PHACTR1: variants seen among roughly 807,000 people sequenced by gnomAD.
PHACTR1 encodes the protein RPEL repeat containing 1.
In PHACTR1, 16 loss-of-function variants were observed where a neutral mutation model predicts 69.2. The observed-to-expected ratio is 0.23, with a 90% CI of 0.16 to 0.35. The LOEUF is 0.35. PHACTR1 is among the 10% of genes least tolerant of loss of function. PHACTR1 has a pLI of 1.00. For missense variants in PHACTR1, 510 were observed against 734.7 expected, an observed-to-expected ratio of 0.69 and a Z score of 3.54; for synonymous variants, 312 against 284.5, an observed-to-expected ratio of 1.10 and a Z score of -0.97.
intron 7 of PHACTR1, among the ~76,000 whole-genome samples, chr6:13,199,410 A>C (rs986820303): frequency 1.6e-5 from 2 of 122,134 alleles, no homozygotes; most frequent in Admixed American, 8.4e-5. Context: ...AAAAAAAAAA[A>C]AACATTGGCA....
At chr6:13,031,690 T>G (rs1802480378) in intron 4 of PHACTR1, among the ~76,000 whole-genome samples, 1 of 152,238 alleles carries the variant, frequency 6.6e-6, no homozygotes, top group Non-Finnish European at 1.5e-5. Context: ...ATTGGCTATA[T>G]TCCCTGAAAC....
At chr6:13,242,917 G>T (rs1361142930) in intron 10 of PHACTR1, among the ~76,000 whole-genome samples, 3 of 152,212 alleles carry the variant, frequency 2.0e-5, no homozygotes, top group Non-Finnish European at 4.4e-5. Flanking sequence ...TATTTAAAAG[G>T]TAGCTAGATA....
At chr6:13,200,779 A>AT (rs375722005) in intron 7 of PHACTR1, among the ~76,000 whole-genome samples, 55 of 137,758 alleles carry the variant, frequency 4.0e-4, no homozygotes, top group African/African-American at 1.2e-3. Context: ...ACTAAAAATG[A>AT]AAAAAAAAAA....
intron 7 of PHACTR1, among the ~76,000 whole-genome samples, chr6:13,194,685 G>A (rs1764125216): frequency 1.3e-5 from 2 of 152,204 alleles, no homozygotes; most frequent in African/African-American, 4.8e-5. Context: ...TGATAAGTAT[G>A]TAAGGTGATG....
intron 4 of PHACTR1, among the ~76,000 whole-genome samples, chr6:13,004,765 A>G (rs750684525): frequency 5.9e-5 from 9 of 152,110 alleles, no homozygotes; most frequent in Non-Finnish European, 1.3e-4. Context: ...TGGAGAGTGG[A>G]TATGTCTGGC....
intron 6 of PHACTR1, among the ~76,000 whole-genome samples, chr6:13,161,044 A>G (rs1160444523): frequency 1.3e-5 from 2 of 152,164 alleles, no homozygotes; most frequent in African/African-American, 4.8e-5. Flanking sequence ...CAGTGATGCA[A>G]TCACGGCTCA....
intron 10 of PHACTR1, among the ~76,000 whole-genome samples, chr6:13,261,558 A>G (rs1354951404): frequency 6.6e-6 from 1 of 152,204 alleles, no homozygotes. Flanking sequence ...GCAGGGGTGG[A>G]GTAGGAGGGT....
chr6:12,825,586 G>T (rs966946236), intron 4 of PHACTR1, among the ~76,000 whole-genome samples: 4 of 152,144 alleles, frequency 2.6e-5, no homozygotes, highest in African/African-American at 9.7e-5. Flanking sequence ...TCATCATTCT[G>T]GTTTTTATGT....
intron 5 of PHACTR1, among the ~76,000 whole-genome samples, chr6:13,065,053 C>A (rs1561777585): frequency 6.6e-6 from 1 of 151,984 alleles, no homozygotes; most frequent in Non-Finnish European, 1.5e-5. Context: ...TGAAGAGGAG[C>A]AGATTTGTGA....
chr6:13,070,159 A>G (rs1809284681), intron 5 of PHACTR1, among the ~76,000 whole-genome samples: 1 of 152,106 alleles, frequency 6.6e-6, no homozygotes, highest in Non-Finnish European at 1.5e-5. Flanking sequence ...TTAAGCCTCA[A>G]TTTCATTTCC....
intron 4 of PHACTR1, among the ~76,000 whole-genome samples, chr6:12,942,168 C>A (rs1790124836): frequency 6.6e-6 from 1 of 152,108 alleles, no homozygotes; most frequent in African/African-American, 2.4e-5. Context: ...TTCCAACAGA[C>A]ATGCAACAAC....
At chr6:13,230,702 G>C in intron 10 of PHACTR1, among the ~76,000 whole-genome samples, 1 of 152,072 alleles carries the variant, frequency 6.6e-6, no homozygotes, top group Non-Finnish European at 1.5e-5. Flanking sequence ...TTTCCAGGGA[G>C]AATAATCATC....
At chr6:12,868,131 C>T (rs554742812) in intron 4 of PHACTR1, among the ~76,000 whole-genome samples, 2 of 152,158 alleles carry the variant, frequency 1.3e-5, no homozygotes, top group Admixed American at 1.3e-4. Context: ...GTGGCACATA[C>T]CTATAATCCT....
At chr6:13,149,048 T>A (rs1382916039) in intron 5 of PHACTR1, among the ~76,000 whole-genome samples, 7 of 151,642 alleles carry the variant, frequency 4.6e-5, no homozygotes, top group African/African-American at 1.7e-4. Context: ...GTTGTGTTTG[T>A]TTCAAATGTT....
chr6:12,945,902 T>C (rs1790616169), intron 4 of PHACTR1, among the ~76,000 whole-genome samples: 1 of 151,804 alleles, frequency 6.6e-6, no homozygotes, highest in Non-Finnish European at 1.5e-5. Flanking sequence ...AGGTGGAGGT[T>C]GCAGTGGCCA....
At chr6:12,908,841 C>G (rs1338814689) in intron 4 of PHACTR1, among the ~76,000 whole-genome samples, 1 of 152,144 alleles carries the variant, frequency 6.6e-6, no homozygotes, top group Non-Finnish European at 1.5e-5. Flanking sequence ...CCTTGTAGGT[C>G]CTTGTAGGTT....
At chr6:12,726,468 T>G (rs1762810558) in intron 3 of PHACTR1, among the ~76,000 whole-genome samples, 1 of 152,210 alleles carries the variant, frequency 6.6e-6, no homozygotes, top group South Asian at 2.1e-4. Context: ...ACTTTTTGGC[T>G]GATTAATCCT....
intron 5 of PHACTR1, among the ~76,000 whole-genome samples, chr6:13,139,835 G>GA (rs762442788): frequency 2.2e-4 from 32 of 148,030 alleles, no homozygotes; most frequent in South Asian, 1.3e-3. Flanking sequence ...TCCTTTTCTG[G>GA]AAAAAAAAAA....
At chr6:13,118,291 G>A (rs1320346400) in intron 5 of PHACTR1, among the ~76,000 whole-genome samples, 2 of 152,124 alleles carry the variant, frequency 1.3e-5, no homozygotes, top group Non-Finnish European at 2.9e-5. Flanking sequence ...TTGTTCCCCA[G>A]TTATGCCTGG....
Sources: allele counts gnomAD v4.1 joint callset (sites outside exome capture counted in the v4.1 genomes callset), GRCh38; gene constraint gnomAD v4.1.1; transcripts MANE v1.5; gene names NCBI Gene and HGNC (gene_info 2026-07-23, HGNC 2026-07-21).